KCNIP1: variants seen among roughly 807,000 people sequenced by gnomAD.
KCNIP1 encodes the protein A-type potassium channel modulatory protein KCNIP1.
KCNIP1 carries 18 observed loss-of-function variants against 33.0 expected under a neutral mutation model. The observed-to-expected ratio is 0.55, with a 90% CI of 0.38 to 0.81. The LOEUF (loss-of-function observed/expected upper bound fraction) is 0.81. Among genes scored for constraint, KCNIP1 ranks in the 30% least tolerant of loss-of-function variants. The pLI, the probability that KCNIP1 is intolerant of heterozygous loss-of-function variation, is 0.00. For synonymous variants in KCNIP1, 93 were observed against 98.3 expected (o/e 0.95, Z 0.32); for missense variants, 238 against 271.6 (o/e 0.88, Z 0.87).
chr5:170,728,504 C>A (rs997968927), intron 5 of KCNIP1, among the ~76,000 whole-genome samples: 17 of 152,248 alleles, frequency 1.1e-4, no homozygotes, highest in Admixed American at 8.5e-4. Flanking sequence ...TAATAAAATA[C>A]ATATGCAAAA....
At chr5:170,520,418 C>T (rs1755319391) in intron 1 of KCNIP1, among the ~76,000 whole-genome samples, 1 of 152,220 alleles carries the variant, frequency 6.6e-6, no homozygotes, top group South Asian at 2.1e-4. Flanking sequence ...CCCAGGAAAG[C>T]TGTTTCCTTC....
chr5:170,687,642 G>A (rs1221466674), intron 1 of KCNIP1, among the ~76,000 whole-genome samples: 1 of 152,220 alleles, frequency 6.6e-6, no homozygotes, highest in African/African-American at 2.4e-5. Flanking sequence ...TGCCTCCTGA[G>A]GAAGTTTGCT....
At chr5:170,480,037 A>G (rs887387063) in intron 1 of KCNIP1, among the ~76,000 whole-genome samples, 1 of 152,238 alleles carries the variant, frequency 6.6e-6, no homozygotes, top group East Asian at 1.9e-4. Context: ...TGTTTCAAAC[A>G]CCTAAAAAGT....
chr5:170,391,861 T>G (rs1754604768), intron 1 of KCNIP1, among the ~76,000 whole-genome samples: 2 of 152,186 alleles, frequency 1.3e-5, no homozygotes, highest in African/African-American at 4.8e-5. Context: ...TGACACATAG[T>G]ATGGAGATTG....
In KCNIP1 at chr5:170,383,667, C is replaced by G. The variant is rs781551364; in HGVS notation, c.88+29703C>G. On this transcript the variant is annotated intron_variant, in intron 1 of 7. Transcript: ENST00000377360. ...GATAAAGGGATGTGTCCCCATCCCT[C>G]CAGTTCAGTACCTGCTGGTTCTGGT... The G allele has an allele frequency of 9.3e-6, 15 of 1,613,868 alleles. No homozygotes were observed. In the South Asian group the frequency reaches 1.5e-4, roughly 17 times the overall value.
At chr5:170,644,250 G>C (rs910398556) in intron 1 of KCNIP1, among the ~76,000 whole-genome samples, 3 of 152,280 alleles carry the variant, frequency 2.0e-5, no homozygotes, top group African/African-American at 7.2e-5. Context: ...TCCTGGGGAT[G>C]TAATGGTGTC....
intron 1 of KCNIP1, among the ~76,000 whole-genome samples, chr5:170,355,431 A>T (rs1442363402): frequency 6.6e-6 from 1 of 152,166 alleles, no homozygotes; most frequent in East Asian, 1.9e-4. Flanking sequence ...AGGACCTAAG[A>T]GGGTAATGGG....
At chr5:170,503,017 G>A (rs768105696), upstream of KCNIP1, among the ~76,000 whole-genome samples, 6 of 152,110 alleles carry the variant, frequency 3.9e-5, no homozygotes, top group African/African-American at 9.7e-5. Flanking sequence ...CTAACAACCC[G>A]TGCCCAGGAG....
intron 1 of KCNIP1, among the ~76,000 whole-genome samples, chr5:170,386,686 GT>G (rs1383099188): frequency 4.0e-4 from 58 of 143,872 alleles, no homozygotes; most frequent in Middle Eastern, 7.4e-3. Context: ...ATATTCCGGT[GT>G]TTTTTTTTTT....
chr5:170,468,145 T>A (rs1756648240), intron 1 of KCNIP1, among the ~76,000 whole-genome samples: 1 of 152,188 alleles, frequency 6.6e-6, no homozygotes, highest in Non-Finnish European at 1.5e-5. Flanking sequence ...TTACTGTATT[T>A]AAATAAGATT....
In KCNIP1 at chr5:170,548,793, C is replaced by G. The variant is rs1221674443; in HGVS notation, c.61+44160C>G. Among the ~76,000 whole-genome samples the G allele has an allele frequency of 2.0e-5, 3 of 152,330 alleles. No homozygotes were observed. The South Asian group carries it at 6.2e-4, about 32-fold the overall frequency. ...TCTAAGCATATTTTGTGGTTAACATCAGAGGCCAGGAGACTCATCAGTGTA... is the reference window on the plus strand; with the variant it reads ...TCTAAGCATATTTTGTGGTTAACATGAGAGGCCAGGAGACTCATCAGTGTA... On this transcript the variant is annotated intron_variant, in intron 1 of 7. Transcript: ENST00000328939.
rs542326594 is a variant in KCNIP1, at chr5:170,379,075, C to A, written c.88+25111C>A. 3.6e-6 allele frequency: 5 copies of A among 1,407,844 alleles called. No individual in the cohort carries two copies. The East Asian group carries it at 1.2e-4, about 33-fold the overall frequency. 87.2% of individuals were successfully genotyped at this position (1,407,844 alleles called of 1,614,324 possible). On this transcript the variant is annotated intron_variant, in intron 1 of 7. Coordinates refer to the KCNIP1 transcript ENST00000377360. ...AAAATACCAGCTTTGTAGTCGGGCC[C>A]CTGGATTGGAGTCGGGGCTTTGGTC...
chr5:170,674,988 T>TA (rs1762074199), intron 1 of KCNIP1, among the ~76,000 whole-genome samples: 1 of 146,062 alleles, frequency 6.8e-6, no homozygotes, highest in Non-Finnish European at 1.5e-5. Context: ...TTTTTTTTTT[T>TA]AACCTTTCAG....
chr5:170,473,448 T>C (rs893039906), intron 1 of KCNIP1, among the ~76,000 whole-genome samples: 48 of 152,154 alleles, frequency 3.2e-4, no homozygotes, highest in African/African-American at 1.1e-3. Flanking sequence ...AGCCAGTCAA[T>C]GGTGGAACCA....
At chr5:170,597,778 G>A (rs1561708463) in intron 1 of KCNIP1, among the ~76,000 whole-genome samples, 1 of 106,336 alleles carries the variant, frequency 9.4e-6, no homozygotes, top group Non-Finnish European at 1.9e-5. Flanking sequence ...GCTGGAGAGA[G>A]AGATAAATAT....
chr5:170,599,616 G>T (rs377188151), intron 1 of KCNIP1, among the ~76,000 whole-genome samples: 2 of 146,328 alleles, frequency 1.4e-5, no homozygotes, highest in Non-Finnish European at 3.0e-5. Context: ...GAATGAGCAC[G>T]GGAGTGTGAT....
chr5:170,579,710 C>G (rs1048615883), intron 1 of KCNIP1, among the ~76,000 whole-genome samples: 2 of 152,182 alleles, frequency 1.3e-5, no homozygotes, highest in African/African-American at 4.8e-5. Flanking sequence ...GAGATTCGTT[C>G]CAATCTAGGG....
intron 1 of KCNIP1, among the ~76,000 whole-genome samples, chr5:170,554,115 T>A (rs1756756845): frequency 6.6e-6 from 1 of 152,042 alleles, no homozygotes; most frequent in South Asian, 2.1e-4. Context: ...AGAACCTGGA[T>A]GGACAGATGC....
upstream of KCNIP1, chr5:170,504,013 C>G: frequency 1.0e-6 from 1 of 984,152 alleles, no homozygotes; most frequent in Non-Finnish European, 1.2e-6. This position sits in a 1 kb window ranked among gnomAD's most constrained non-coding sequence, Gnocchi z 6.0. Context: ...GCCCCCTCCG[C>G]CGCTCCGACT....
Sources: allele counts gnomAD v4.1 joint callset (sites outside exome capture counted in the v4.1 genomes callset), GRCh38; gene constraint gnomAD v4.1.1; non-coding constraint Gnocchi (gnomAD v3.1); transcripts MANE v1.5; gene names NCBI Gene and HGNC (gene_info 2026-07-23, HGNC 2026-07-21).